Variants in IL1R1 observed in about 807,000 individuals in gnomAD.
The protein encoded by IL1R1 is interleukin 1 receptor type 1.
In IL1R1, 22 loss-of-function variants were observed where a neutral mutation model predicts 50.2. That is an observed-to-expected ratio of 0.44 (90% CI 0.31 to 0.63). The LOEUF (loss-of-function observed/expected upper bound fraction) is 0.63. Among genes scored for constraint, IL1R1 ranks in the 20% least tolerant of loss-of-function variants. The pLI, the probability that IL1R1 is intolerant of heterozygous loss-of-function variation, is 0.07. For synonymous variants in IL1R1, 251 were observed against 236.7 expected, an observed-to-expected ratio of 1.06 and a Z score of -0.55; for missense variants, 509 against 676.2, an observed-to-expected ratio of 0.75 and a Z score of 2.74.
chr2:102,088,355 A>G (rs919718744), intron 1 of IL1R1, among the ~76,000 whole-genome samples: 2 of 152,164 alleles, frequency 1.3e-5, no homozygotes, highest in African/African-American at 2.4e-5. Flanking sequence ...CTCTTTTTAC[A>G]TCTTCATCAG....
intron 1 of IL1R1, among the ~76,000 whole-genome samples, chr2:102,108,326 A>G (rs963284259): frequency 2.0e-5 from 3 of 151,978 alleles, no homozygotes; most frequent in South Asian, 2.1e-4. Context: ...CAGTGCATGG[A>G]TACATTTTAG....
At chr2:102,079,823 T>G (rs1174072261) in intron 1 of IL1R1, among the ~76,000 whole-genome samples, 1 of 152,090 alleles carries the variant, frequency 6.6e-6, no homozygotes, top group Non-Finnish European at 1.5e-5. Context: ...TGACTTACAC[T>G]CCCATTTTAA....
rs1686054712 is a variant in IL1R1 at position 102,175,541 on chromosome 2, C to T, written c.1199C>T (p.Thr400Ile). Residue 400 changes from threonine (T) to isoleucine (I), a missense_variant, in exon 11 of 12, where the codon ACC becomes ATC. Transcript: ENST00000410023. ...CCAAAGACTGTTGGGGAAGGGTCTA[C>T]CTCTGACTGTGATATTTTTGTGTTT... ...LYPKTVGEGS[T>I]SDCDIFVFKV... 2 of 1,613,314 alleles carry T rather than the reference C, an allele frequency of 1.2e-6. No individual in the cohort carries two copies. The highest frequency in any genetic ancestry group is 1.7e-6 in the Non-Finnish European group (2 of 1,179,324).
chr2:102,085,178 G>C (rs909533079), intron 1 of IL1R1, among the ~76,000 whole-genome samples: 10 of 152,098 alleles, frequency 6.6e-5, no homozygotes, highest in African/African-American at 2.4e-4. Context: ...TCAACTCTGT[G>C]GATTGCATTT....
At chr2:102,109,275 A>T (rs142710757) in intron 1 of IL1R1, among the ~76,000 whole-genome samples, 3 of 152,168 alleles carry the variant, frequency 2.0e-5, no homozygotes, top group African/African-American at 7.2e-5. Context: ...TGGGTATATG[A>T]CTACCATTTA....
At chr2:102,146,894 A>C (rs1683178648) in intron 1 of IL1R1, among the ~76,000 whole-genome samples, 1 of 152,172 alleles carries the variant, frequency 6.6e-6, no homozygotes, top group Admixed American at 6.5e-5. Flanking sequence ...CCTTCCCCAC[A>C]GGTTCCGAAA....
chr2:102,082,515 A>C (rs547966017), intron 1 of IL1R1, among the ~76,000 whole-genome samples: 6 of 152,330 alleles, frequency 3.9e-5, no homozygotes, highest in Admixed American at 1.3e-4. Flanking sequence ...AGCATAAAGT[A>C]AAAGTAGTTT....
chr2:102,103,604 C>T (rs1034612340), upstream of IL1R1, among the ~76,000 whole-genome samples: 7 of 152,126 alleles, frequency 4.6e-5, no homozygotes, highest in South Asian at 4.1e-4. Flanking sequence ...TTCCTCCCTA[C>T]GATGCAGATT....
chr2:102,084,322 T>C (rs551439658), intron 1 of IL1R1, among the ~76,000 whole-genome samples: 130 of 152,322 alleles, frequency 8.5e-4, no homozygotes, highest in African/African-American at 3.0e-3. Context: ...TAATGATTCT[T>C]TTATGGCCTG....
chr2:102,111,589 T>G, intron 1 of IL1R1, among the ~76,000 whole-genome samples: 1 of 150,490 alleles, frequency 6.6e-6, no homozygotes, highest in African/African-American at 2.5e-5. Context: ...GAAGAAGGAG[T>G]GGAAGGGGAA....
chr2:102,150,659 C>T (rs1683569868), intron 1 of IL1R1, among the ~76,000 whole-genome samples: 1 of 152,184 alleles, frequency 6.6e-6, no homozygotes, highest in Non-Finnish European at 1.5e-5. Flanking sequence ...ATGTGATTGT[C>T]ACATAAAGCC....
At chr2:102,071,815 C>T (rs1268969406) in intron 1 of IL1R1, among the ~76,000 whole-genome samples, 4 of 152,138 alleles carry the variant, frequency 2.6e-5, no homozygotes, top group East Asian at 1.9e-4. Flanking sequence ...GTGAGATCCA[C>T]CCTGGTTGAA....
chr2:102,134,597 C>T (rs996476353), intron 1 of IL1R1, among the ~76,000 whole-genome samples: 7 of 152,148 alleles, frequency 4.6e-5, no homozygotes, highest in African/African-American at 9.6e-5. Context: ...AGGCTGGTCT[C>T]GAGCTCCCGA....
chr2:102,088,648 C>G (rs534375538), intron 1 of IL1R1, among the ~76,000 whole-genome samples: 1 of 152,340 alleles, frequency 6.6e-6, no homozygotes, highest in Admixed American at 6.5e-5. Flanking sequence ...CTTGAAGCTT[C>G]AAAACCAGAC....
At chr2:102,084,762 A>G (rs1175694483) in intron 1 of IL1R1, among the ~76,000 whole-genome samples, 1 of 152,182 alleles carries the variant, frequency 6.6e-6, no homozygotes, top group Non-Finnish European at 1.5e-5. Context: ...CCTGTGAGTG[A>G]AATTACTGAG....
At chr2:102,139,300 G>A (rs1031240544), upstream of IL1R1, among the ~76,000 whole-genome samples, 3 of 152,230 alleles carry the variant, frequency 2.0e-5, no homozygotes, top group Non-Finnish European at 4.4e-5. Context: ...ACTCTGGGAT[G>A]CACTGGACTT....
At chr2:102,109,687 T>C (rs1680633514) in intron 1 of IL1R1, among the ~76,000 whole-genome samples, 1 of 152,166 alleles carries the variant, frequency 6.6e-6, no homozygotes, top group South Asian at 2.1e-4. Flanking sequence ...ATGGATTTGA[T>C]TTTTCAGACC....
rs558682333 is a variant in IL1R1, at chr2:102,158,102, G to A, written c.61+317G>A. On this transcript the variant is annotated intron_variant, in intron 3 of 11. Transcript: ENST00000410023. Reference sequence around the variant, plus strand: ...CTTTCCACTTGGCTGCTGGTTGAAAGTGTGATATGGGAAATTCTGACTTTC... The same window carrying A: ...CTTTCCACTTGGCTGCTGGTTGAAAATGTGATATGGGAAATTCTGACTTTC... 4.6e-5 allele frequency among the ~76,000 whole-genome samples: 7 copies of A among 152,344 alleles called. No individual in the cohort carries two copies. In the East Asian group the frequency reaches 1.3e-3, roughly 29 times the overall value.
intron 1 of IL1R1, among the ~76,000 whole-genome samples, chr2:102,134,860 C>T (rs1006485174): frequency 1.3e-5 from 2 of 152,146 alleles, no homozygotes; most frequent in African/African-American, 4.8e-5. Flanking sequence ...ACTCATTCTT[C>T]GTGTTCTTAG....
Sources: allele counts gnomAD v4.1 joint callset (sites outside exome capture counted in the v4.1 genomes callset), GRCh38; gene constraint gnomAD v4.1.1; transcripts MANE v1.5; gene names NCBI Gene and HGNC (gene_info 2026-07-23, HGNC 2026-07-21).